The following SLC4A7 variants were observed in gnomAD, a reference collection of about 807,000 sequenced individuals.
The protein encoded by SLC4A7 is sodium bicarbonate cotransporter 3.
Under a neutral mutation model 137.6 loss-of-function variants are expected in SLC4A7, and 51 were observed. The observed-to-expected ratio is 0.37, with a 90% CI of 0.30 to 0.47. SLC4A7 has a LOEUF of 0.47. Among genes scored for constraint, SLC4A7 ranks in the 20% least tolerant of loss-of-function variants. SLC4A7 has a pLI of 1.00. For missense variants in SLC4A7, 1,247 were observed against 1,525.4 expected (o/e 0.82, Z 3.04); for synonymous variants, 542 against 518.6 (o/e 1.05, Z -0.61).
chr3:27,454,478 A>G (rs1013243462), intron 1 of SLC4A7, among the ~76,000 whole-genome samples: 1 of 152,222 alleles, frequency 6.6e-6, no homozygotes, highest in Non-Finnish European at 1.5e-5. Flanking sequence ...GAAAGAAAAA[A>G]ATTTTTTAAT....
intron 24 of SLC4A7, among the ~76,000 whole-genome samples, chr3:27,380,644 T>C (rs1243021954): frequency 6.6e-6 from 1 of 152,232 alleles, no homozygotes; most frequent in East Asian, 1.9e-4. Context: ...TAGAAAGTGC[T>C]CTGTTCATAC....
At chr3:27,425,442 C>G (rs1168854438) in intron 7 of SLC4A7, among the ~76,000 whole-genome samples, 1 of 144,474 alleles carries the variant, frequency 6.9e-6, no homozygotes, top group Non-Finnish European at 1.5e-5. Flanking sequence ...TTTGGAAGGT[C>G]AAGGCGGACG....
intron 14 of SLC4A7, among the ~76,000 whole-genome samples, chr3:27,404,136 C>T (rs983096327): frequency 1.3e-5 from 2 of 152,180 alleles, no homozygotes; most frequent in African/African-American, 4.8e-5. Flanking sequence ...TTGGGGAGGC[C>T]GAGGCAGGTG....
At position 27,385,912 on chromosome 3, in the gene SLC4A7, T is replaced by C. The variant is rs761540173; in HGVS notation, c.3472A>G (p.Lys1158Glu). ...TTTACCTCTTTCTCTTTTTTCTTTT[T>C]GTCATCTTCTTTCTTTTTCTTACTT... ...PESKKKKEDD[K>E]KKKEKEEAER... The change falls in exon 23 of 26, where the codon AAA (lysine) becomes GAA (glutamate). Residue 1158 changes from lysine (K) to glutamate (E), a missense_variant. By Grantham distance (56) the Lys-to-Glu change is moderately conservative. Coordinates refer to ENST00000454389, the MANE Select transcript of SLC4A7 (RefSeq NM_001321103.2). The C allele has an allele frequency of 9.6e-6, 15 of 1,561,046 alleles. No homozygotes were observed. The highest frequency in any genetic ancestry group is 1.8e-5 in the Admixed American group (1 of 54,584).
At chr3:27,442,345 T>C (rs1345017844) in intron 3 of SLC4A7, among the ~76,000 whole-genome samples, 2 of 152,178 alleles carry the variant, frequency 1.3e-5, no homozygotes, top group Non-Finnish European at 2.9e-5. Context: ...TTAATCCTTC[T>C]ATACTTTGTA....
At chr3:27,463,359 G>A (rs2058800421) in intron 1 of SLC4A7, among the ~76,000 whole-genome samples, 1 of 152,154 alleles carries the variant, frequency 6.6e-6, no homozygotes, top group Non-Finnish European at 1.5e-5. Flanking sequence ...GGACCCGGGA[G>A]GCGGAGCTTG....
chr3:27,458,478 T>G (rs1332727452), intron 1 of SLC4A7, among the ~76,000 whole-genome samples: 1 of 152,172 alleles, frequency 6.6e-6, no homozygotes, highest in Non-Finnish European at 1.5e-5. Flanking sequence ...GCTTCTAAAC[T>G]TCTCCAAGAA....
At chr3:27,440,650 C>T (rs1197377732) in intron 3 of SLC4A7, among the ~76,000 whole-genome samples, 3 of 151,976 alleles carry the variant, frequency 2.0e-5, no homozygotes, top group African/African-American at 7.3e-5. Context: ...ATCACTTGAA[C>T]CCAGGAGGCA....
intron 21 of SLC4A7, chr3:27,390,383 T>C (rs560288582): frequency 7.4e-6 from 2 of 271,996 alleles, no homozygotes; most frequent in African/African-American, 4.4e-5. Context: ...TTAAAATATC[T>C]AGATAAACTT....
chr3:27,430,407 A>T (rs533430095), intron 7 of SLC4A7, among the ~76,000 whole-genome samples: 1 of 148,814 alleles, frequency 6.7e-6, no homozygotes, highest in African/African-American at 2.5e-5. Context: ...TGGATCACTT[A>T]AGCCCAGGAG....
At chr3:27,466,212 G>C (rs1435636516) in intron 1 of SLC4A7, among the ~76,000 whole-genome samples, 4 of 151,604 alleles carry the variant, frequency 2.6e-5, no homozygotes, top group South Asian at 4.2e-4. Context: ...AGCACTTTGG[G>C]AGGCCGAGGC....
At chr3:27,419,627 C>A (rs946769113) in intron 10 of SLC4A7, among the ~76,000 whole-genome samples, 2 of 150,694 alleles carry the variant, frequency 1.3e-5, no homozygotes, top group Non-Finnish European at 3.0e-5. Flanking sequence ...TGAGCCACTG[C>A]GCCCGGCCAA....
chr3:27,437,466 A>G lies in SLC4A7; in HGVS notation c.350T>C (p.Ile117Thr), dbSNP rs758802893. 1 of 1,595,372 alleles carries G rather than the reference A, an allele frequency of 6.3e-7. No homozygotes were observed. The highest frequency in any genetic ancestry group is 1.1e-5 in the South Asian group (1 of 89,372). ...CATTTCCGTGAAGAGATCATGGGGA[A>G]TATGTTCTTCATCATCATCTTCAGT... Reference protein sequence around the residue: ...LGTEDDDEEHIPHDLFTEMDE... With the variant: ...LGTEDDDEEHTPHDLFTEMDE... The change falls in exon 4 of 26, where the codon ATT becomes ACT. Residue 117 changes from isoleucine to threonine, a missense_variant. Physicochemically the swap from Ile to Thr is moderately conservative, Grantham distance 89. This residue lies in a region of SLC4A7 where 176 missense variants were observed against 186.4 expected (regional missense o/e 0.94). Coordinates refer to ENST00000454389, the MANE Select transcript of SLC4A7 (RefSeq NM_001321103.2).
At chr3:27,387,705 A>G (rs903927321) in intron 22 of SLC4A7, among the ~76,000 whole-genome samples, 2 of 152,192 alleles carry the variant, frequency 1.3e-5, no homozygotes, top group Non-Finnish European at 1.5e-5. Flanking sequence ...ACCTCAGAAT[A>G]TGAACTTATT....
At chr3:27,425,676 CAAAAAAAAAAAAAAAAA>C (rs59895795) in intron 7 of SLC4A7, among the ~76,000 whole-genome samples, 4 of 61,488 alleles carry the variant, frequency 6.5e-5, no homozygotes, top group African/African-American at 1.4e-4. Context: ...AACTCTGTCT[CAAAAAAAAAAAAAAAAA>C]AAAAAAAAAA....
intron 1 of SLC4A7, among the ~76,000 whole-genome samples, chr3:27,464,265 A>G (rs934361860): frequency 6.6e-6 from 1 of 152,268 alleles, no homozygotes; most frequent in Non-Finnish European, 1.5e-5. Flanking sequence ...AACACAAAAT[A>G]TAGAAGGATA....
chr3:27,479,194 C>A (rs186251536), intron 1 of SLC4A7, among the ~76,000 whole-genome samples: 1 of 152,122 alleles, frequency 6.6e-6, no homozygotes, highest in Admixed American at 6.5e-5. Flanking sequence ...GAGGGTGGAT[C>A]GCTTGAGCCA....
intron 1 of SLC4A7, among the ~76,000 whole-genome samples, chr3:27,480,995 A>G (rs889057775): frequency 6.6e-6 from 1 of 152,222 alleles, no homozygotes; most frequent in African/African-American, 2.4e-5. Flanking sequence ...AATGAATAAA[A>G]TCATAACAAA....
Position 27,426,482 on chromosome 3 carries a change from C to T in SLC4A7, c.1151-2330G>A, listed in dbSNP as rs530139773. Reference sequence around the variant, plus strand: ...GGCAAACGCAGCTGAGCATTACATACTTCCAAAGGCTAAATGTATTCCACC... The same window carrying T: ...GGCAAACGCAGCTGAGCATTACATATTTCCAAAGGCTAAATGTATTCCACC... On this transcript the variant is annotated intron_variant, in intron 7 of 25. Transcript: ENST00000454389. 2.6e-4 allele frequency among the ~76,000 whole-genome samples: 39 copies of T among 152,304 alleles called. No homozygotes were observed. The Middle Eastern group carries it at 0.01, about 40-fold the overall frequency.
Sources: gnomAD v4.1 joint callset for allele counts (sites outside exome capture counted in the v4.1 genomes callset) on GRCh38, gnomAD v4.1.1 for gene constraint, gnomAD v4.1.1 regional missense constraint, MANE v1.5 for transcripts, NCBI Gene and HGNC (gene_info 2026-07-23, HGNC 2026-07-21) for gene names.